Variants in MED27 observed in about 807,000 individuals in gnomAD.
MED27 encodes mediator complex subunit 27, also known as mediator of RNA polymerase II transcription subunit 27.
Under a neutral mutation model 38.2 loss-of-function variants are expected in MED27, and 30 were observed. The observed-to-expected ratio is 0.79, with a 90% CI of 0.59 to 1.07. MED27 has a LOEUF of 1.07. Ranked by LOEUF, MED27 falls within the 50% of genes least tolerant of loss-of-function variation. The pLI is 0.00. For missense variants in MED27, 289 were observed against 397.5 expected (o/e 0.73, Z 2.32); for synonymous variants, 122 against 153.5 (o/e 0.79, Z 1.52).
intron 6 of MED27, among the ~76,000 whole-genome samples, chr9:131,864,787 TG>T (rs377041996): frequency 1.0e-3 from 153 of 152,368 alleles, no homozygotes; most frequent in African/African-American, 3.4e-3. Context: ...TGGCCTCTTA[TG>T]GGGGCCTCTC....
chr9:131,881,666 C>T (rs1839041965), intron 6 of MED27, among the ~76,000 whole-genome samples: 1 of 152,126 alleles, frequency 6.6e-6, no homozygotes, highest in African/African-American at 2.4e-5. Flanking sequence ...TACTACGGTA[C>T]ATTTGTCACA....
In MED27 at chr9:132,067,287, G is replaced by T. The variant is rs189796668; in HGVS notation, c.348+10155C>A. Among the ~76,000 whole-genome samples the T allele has an allele frequency of 1.5e-3, 225 of 152,294 alleles. 1 individual carries two copies. The highest frequency in any genetic ancestry group is 5.3e-3 in the African/African-American group (219 of 41,548). The stretch of plus-strand genomic sequence containing the variant: ...CAGGTAACTGGCCCAAAGTCTCAGG[G>T]CTAATACAGGACAAGCCTTCATCTT... On this transcript the variant is annotated intron_variant, in intron 2 of 7. Coordinates refer to ENST00000292035, the MANE Select transcript of MED27 (RefSeq NM_004269.4).
At chr9:132,079,155 C>T (rs138037676) in intron 1 of MED27, among the ~76,000 whole-genome samples, 33 of 152,170 alleles carry the variant, frequency 2.2e-4, no homozygotes, top group Admixed American at 2.1e-3. Context: ...CTGGCCGGTC[C>T]GTCGTGGTTG....
At chr9:131,944,804 T>C (rs1677672099) in intron 3 of MED27, among the ~76,000 whole-genome samples, 1 of 152,070 alleles carries the variant, frequency 6.6e-6, no homozygotes, top group Non-Finnish European at 1.5e-5. Context: ...AGTGTTGGGA[T>C]TACAGGTGTG....
intron 4 of MED27, among the ~76,000 whole-genome samples, chr9:131,915,827 C>T (rs1486009556): frequency 2.6e-5 from 4 of 152,204 alleles, no homozygotes; most frequent in African/African-American, 9.7e-5. Context: ...ACTACTCAAA[C>T]TCACATGAGT....
chr9:131,945,394 C>T (rs1320761054), intron 3 of MED27, among the ~76,000 whole-genome samples: 1 of 152,066 alleles, frequency 6.6e-6, no homozygotes, highest in East Asian at 1.9e-4. Context: ...GCAAGCTAAT[C>T]AGCACATACA....
chr9:131,860,612 G>A lies in MED27; in HGVS notation c.862C>T (p.Leu288=). 1 of 1,610,950 alleles carries A rather than the reference G, an allele frequency of 6.2e-7. No individual in the cohort carries two copies. The highest frequency in any genetic ancestry group is 2.2e-5 in the East Asian group (1 of 44,738). ...QAPCQRCGKF[L]QDGLPPTWRD... ...CATGTCGGGGGAAGGCCGTCCTGCA[G>A]AAACTTCCCGCAGCGCTGGCACGGG... Residue 288 remains leucine, a synonymous_variant, in exon 8 of 8, where the codon CTG becomes TTG. Transcript: ENST00000292035. This position sits in a 1 kb window ranked among gnomAD's most constrained non-coding sequence, Gnocchi z 5.8.
At chr9:131,900,911 A>G (rs577810919) in intron 4 of MED27, among the ~76,000 whole-genome samples, 1 of 151,586 alleles carries the variant, frequency 6.6e-6, no homozygotes, top group East Asian at 1.9e-4. Context: ...GTACAGCAGA[A>G]AGAAAGAGAG....
At chr9:132,033,280 C>G (rs1313037157) in intron 2 of MED27, among the ~76,000 whole-genome samples, 1 of 152,190 alleles carries the variant, frequency 6.6e-6, no homozygotes, top group Non-Finnish European at 1.5e-5. Flanking sequence ...AATCACGAAG[C>G]TTCCTGGGAC....
In MED27 at chr9:131,956,793, C is replaced by T. The variant is rs188334629; in HGVS notation, c.480-17319G>A. Among the ~76,000 whole-genome samples, 4 of 150,808 alleles carry T rather than the reference C, an allele frequency of 2.7e-5. No individual in the cohort carries two copies. In the East Asian group the frequency reaches 5.8e-4, roughly 22 times the overall value. ...ATCACCTCAATAAATGCAGAAAAAA[C>T]GTTTGACAAAATTCAACACCCAATT... On this transcript the variant is annotated intron_variant, in intron 3 of 7. Transcript: ENST00000292035.
At chr9:131,902,447 G>A (rs1423782522) in intron 4 of MED27, among the ~76,000 whole-genome samples, 1 of 152,060 alleles carries the variant, frequency 6.6e-6, no homozygotes, top group Non-Finnish European at 1.5e-5. Flanking sequence ...GCAGAGCTGG[G>A]GCAAAGAAGA....
intron 2 of MED27, 119 bp downstream of exon 2, chr9:132,077,323 C>A: frequency 9.7e-7 from 1 of 1,032,574 alleles, no homozygotes; most frequent in Non-Finnish European, 1.4e-6. Context: ...AACTCTATAA[C>A]CCCATGCTGA....
chr9:131,925,959 T>C (rs1457955331), intron 4 of MED27, among the ~76,000 whole-genome samples: 1 of 152,212 alleles, frequency 6.6e-6, no homozygotes, highest in African/African-American at 2.4e-5. Flanking sequence ...AATTTGTACA[T>C]CTGAATTTAA....
At chr9:132,065,701 C>T (rs958862333) in intron 2 of MED27, among the ~76,000 whole-genome samples, 4 of 152,346 alleles carry the variant, frequency 2.6e-5, no homozygotes, top group East Asian at 3.9e-4. Flanking sequence ...TGTCCATGCC[C>T]GGGCTGGGCC....
chr9:131,877,281 C>T (rs945989517), intron 6 of MED27, among the ~76,000 whole-genome samples: 1 of 152,102 alleles, frequency 6.6e-6, no homozygotes. Context: ...CTGAAAATAA[C>T]GCGGCTGGGC....
chr9:131,991,598 A>G (rs1589253519), intron 3 of MED27, among the ~76,000 whole-genome samples: 2 of 152,270 alleles, frequency 1.3e-5, no homozygotes, highest in South Asian at 4.1e-4. Context: ...AACAATTTTC[A>G]AAATTAAAAT....
chr9:131,950,604 C>T (rs897885181), intron 3 of MED27, among the ~76,000 whole-genome samples: 7 of 152,166 alleles, frequency 4.6e-5, no homozygotes, highest in East Asian at 1.9e-4. Context: ...AATCACTGAA[C>T]GACTTGTTCT....
intron 4 of MED27, among the ~76,000 whole-genome samples, chr9:131,919,470 T>TTA (rs397729844): frequency 1.3e-5 from 2 of 151,902 alleles, no homozygotes; most frequent in African/African-American, 4.8e-5. Context: ...ATTTTTTTTT[T>TTA]AAGGATGAAA....
At chr9:131,902,011 T>C (rs763719700) in intron 4 of MED27, among the ~76,000 whole-genome samples, 9 of 152,082 alleles carry the variant, frequency 5.9e-5, no homozygotes, top group Non-Finnish European at 1.2e-4. Context: ...CCCACATCCA[T>C]GCAAATCACA....
Sources: gnomAD v4.1 joint callset for allele counts (sites outside exome capture counted in the v4.1 genomes callset) on GRCh38, gnomAD v4.1.1 for gene constraint, Gnocchi (gnomAD v3.1) non-coding constraint, MANE v1.5 for transcripts, NCBI Gene and HGNC (gene_info 2026-07-23, HGNC 2026-07-21) for gene names.